Variants in STXBP5 observed in about 807,000 individuals in gnomAD.
The protein encoded by STXBP5 is syntaxin-binding protein 5.
A neutral mutation model predicts 152.4 loss-of-function variants in STXBP5; 50 were observed. That is an observed-to-expected ratio of 0.33 (90% CI 0.26 to 0.42). STXBP5 has a LOEUF of 0.42. STXBP5 is among the 10% of genes least tolerant of loss of function. The probability of loss-of-function intolerance (pLI) is 1.00; values close to 1 mark genes in which losing one functional copy is unlikely to be tolerated. For synonymous variants in STXBP5, 492 were observed against 494.7 expected, an observed-to-expected ratio of 0.99 and a Z score of 0.07; for missense variants, 1,167 against 1,388.6, an observed-to-expected ratio of 0.84 and a Z score of 2.54.
At chr6:147,249,220 C>G (rs748557893) in intron 4 of STXBP5, among the ~76,000 whole-genome samples, 1 of 151,862 alleles carries the variant, frequency 6.6e-6, no homozygotes, top group East Asian at 1.9e-4. Context: ...TCTTTTAAGC[C>G]ATTAAATTTG....
At chr6:147,372,144 G>GT (rs1475513351) in intron 25 of STXBP5, among the ~76,000 whole-genome samples, 1 of 151,952 alleles carries the variant, frequency 6.6e-6, no homozygotes, top group African/African-American at 2.4e-5. Context: ...AAATAAAAAC[G>GT]TAAGAGCTTC....
intron 9 of STXBP5, among the ~76,000 whole-genome samples, chr6:147,305,414 G>T (rs1000607488): frequency 6.6e-6 from 1 of 151,916 alleles, no homozygotes. Context: ...TTTTGAAAAT[G>T]TTGTTTTGGA....
chr6:147,369,005 C>T (rs1396754336), intron 25 of STXBP5, among the ~76,000 whole-genome samples: 3 of 151,420 alleles, frequency 2.0e-5, no homozygotes, highest in African/African-American at 4.8e-5. Flanking sequence ...AAAATTCATA[C>T]GTAAATACAA....
intron 8 of STXBP5, among the ~76,000 whole-genome samples, chr6:147,280,337 C>A (rs1780644393): frequency 2.0e-5 from 3 of 152,046 alleles, no homozygotes; most frequent in Non-Finnish European, 2.9e-5. Flanking sequence ...TTGAGGTGTT[C>A]TTTTTGCATC....
chr6:147,388,019 A>G lies in STXBP5; in HGVS notation c.*3264A>G, dbSNP rs926797774. ...TTGCTTAAGGCATTTCTCATGTGAC[A>G]TTAGAAAAGCTATATCCAAAGGTAA... On this transcript the variant is annotated 3_prime_UTR_variant, in exon 28 of 28. Transcript: ENST00000321680. 1.3e-5 allele frequency: 2 copies of G among 151,858 alleles called. No homozygotes were observed. The highest frequency in any genetic ancestry group is 2.9e-5 in the Non-Finnish European group (2 of 67,806). The allele number at this position is 151,858 out of a possible 1,614,324, so 9.4% of individuals were successfully genotyped here.
intron 4 of STXBP5, among the ~76,000 whole-genome samples, chr6:147,246,826 G>A (rs1291056956): frequency 3.3e-5 from 5 of 152,126 alleles, no homozygotes; most frequent in African/African-American, 7.2e-5. Context: ...AAAAACAACC[G>A]TATGACAAAT....
At chr6:147,210,100 A>G (rs1306924755) in intron 2 of STXBP5, among the ~76,000 whole-genome samples, 1 of 152,210 alleles carries the variant, frequency 6.6e-6, no homozygotes, top group Non-Finnish European at 1.5e-5. Context: ...ACAGAAAATT[A>G]TTAATCCATA....
intron 17 of STXBP5, 90 bp from the exon 18 acceptor site, chr6:147,327,035 C>T: frequency 8.3e-7 from 1 of 1,207,636 alleles, no homozygotes; most frequent in Non-Finnish European, 1.2e-6. Context: ...AAAGACCCAC[C>T]ATGCTTCTTT....
At chr6:147,286,440 T>G (rs1780965791) in intron 8 of STXBP5, among the ~76,000 whole-genome samples, 1 of 152,194 alleles carries the variant, frequency 6.6e-6, no homozygotes, top group Non-Finnish European at 1.5e-5. Context: ...GATGGTTCAA[T>G]AAATTGAGCT....
Position 147,353,319 on chromosome 6 carries a change from T to C in STXBP5, c.2255-4T>C. On this transcript the variant is annotated splice_polypyrimidine_tract_variant and splice_region_variant and intron_variant, in intron 21 of 27. Coordinates refer to ENST00000321680, the MANE Select transcript of STXBP5 (RefSeq NM_001127715.4). ...GAATTTTAAAAATGTCTTTTATTTTTCAGCAAAGATGTCAAGGAAGTTAAG... is the reference window on the plus strand; with the variant it reads ...GAATTTTAAAAATGTCTTTTATTTTCCAGCAAAGATGTCAAGGAAGTTAAG... 6.3e-7 allele frequency: 1 copy of C among 1,575,822 alleles called. No homozygotes were observed. Among genetic ancestry groups the C allele is most frequent in the African/African-American group, 1.4e-5 (1 of 73,452 alleles).
At chr6:147,332,267 C>A (rs1001884507) in intron 18 of STXBP5, among the ~76,000 whole-genome samples, 6 of 152,152 alleles carry the variant, frequency 3.9e-5, no homozygotes, top group Non-Finnish European at 8.8e-5. Context: ...AAATTCTCTA[C>A]CCTCATGGAA....
intron 26 of STXBP5, 125 bp from the exon 27 acceptor site, chr6:147,382,653 A>G (rs772940719): frequency 2.7e-5 from 25 of 938,896 alleles, no homozygotes; most frequent in Non-Finnish European, 4.1e-5. Context: ...AGCATATTTC[A>G]CTTTATAATT....
intron 2 of STXBP5, among the ~76,000 whole-genome samples, chr6:147,210,497 G>C (rs1776792210): frequency 6.6e-6 from 1 of 152,200 alleles, no homozygotes; most frequent in South Asian, 2.1e-4. Context: ...TTTTCTGTCA[G>C]TGTTTCTCAA....
chr6:147,304,994 A>G (rs541030972), intron 9 of STXBP5, among the ~76,000 whole-genome samples: 24 of 152,290 alleles, frequency 1.6e-4, no homozygotes, highest in Non-Finnish European at 2.9e-4. Context: ...GAGATCCTCA[A>G]TAGCATCCTC....
chr6:147,272,521 C>T (rs1475715842), intron 7 of STXBP5, among the ~76,000 whole-genome samples: 1 of 152,068 alleles, frequency 6.6e-6, no homozygotes, highest in Non-Finnish European at 1.5e-5. Flanking sequence ...ATTCTCAGTG[C>T]CATTTTTGCC....
chr6:147,351,580 G>A (rs1419394717), intron 21 of STXBP5, among the ~76,000 whole-genome samples: 1 of 152,166 alleles, frequency 6.6e-6, no homozygotes, highest in Non-Finnish European at 1.5e-5. Context: ...GAACAACCAT[G>A]TATGTGACAT....
chr6:147,368,561 A>G (rs1002398912), intron 25 of STXBP5, among the ~76,000 whole-genome samples: 1 of 152,166 alleles, frequency 6.6e-6, no homozygotes, highest in Non-Finnish European at 1.5e-5. Context: ...GAAATCAGCA[A>G]TTACAGAAGA....
intron 9 of STXBP5, among the ~76,000 whole-genome samples, chr6:147,304,791 T>A (rs577348212): frequency 2.0e-4 from 31 of 152,218 alleles, no homozygotes; most frequent in African/African-American, 7.0e-4. Context: ...ATTTTGGAAA[T>A]TTAAGGATTA....
rs1786394028 is a variant in STXBP5 at position 147,387,429 on chromosome 6, T to G, written c.*2674T>G. The G allele has an allele frequency of 6.6e-6, 1 of 151,776 alleles. No individual in the cohort carries two copies. Among genetic ancestry groups the G allele is most frequent in the Non-Finnish European group, 1.5e-5 (1 of 67,732 alleles). The allele number at this position is 151,776 out of a possible 1,614,324, so 9.4% of individuals were successfully genotyped here. A position where few individuals can be genotyped will look rare whatever the true frequency, so the allele number is the denominator to read the frequency against. ...CCTTGACTCTAAAATCACTGAAGTATTCATGATTAGTAGTTTGTAAGTAGG... is the reference window on the plus strand; with the variant it reads ...CCTTGACTCTAAAATCACTGAAGTAGTCATGATTAGTAGTTTGTAAGTAGG... On this transcript the variant is annotated 3_prime_UTR_variant, in exon 28 of 28. Transcript: ENST00000321680.
Sources: gnomAD v4.1 joint callset for allele counts (sites outside exome capture counted in the v4.1 genomes callset) on GRCh38, gnomAD v4.1.1 for gene constraint, MANE v1.5 for transcripts, NCBI Gene and HGNC (gene_info 2026-07-23, HGNC 2026-07-21) for gene names.